SNUPN: variants seen among roughly 807,000 people sequenced by gnomAD.
SNUPN encodes snurportin-1.
Under a neutral mutation model 39.2 loss-of-function variants are expected in SNUPN, and 31 were observed. That is an observed-to-expected ratio of 0.79 (90% CI 0.59 to 1.07). The LOEUF is 1.07. Among genes scored for constraint, SNUPN ranks in the 50% least tolerant of loss-of-function variants. The pLI is 0.00. For synonymous variants in SNUPN, 132 were observed against 159.0 expected (o/e 0.83, Z 1.28); for missense variants, 382 against 434.2 (o/e 0.88, Z 1.07).
rs569811961 is a variant in SNUPN at position 75,610,051 on chromosome 15, G to A, written c.304-57C>T. On this transcript the variant is annotated intron_variant, in intron 3 of 8. Transcript: ENST00000308588. Reference sequence around the variant, plus strand: ...GCAGGGGTGTGCTACTCGAAAGTCTGCAATGACAAGGCATTAATATCCTGT... The same window carrying A: ...GCAGGGGTGTGCTACTCGAAAGTCTACAATGACAAGGCATTAATATCCTGT... 8 of 1,283,162 alleles carry A rather than the reference G, an allele frequency of 6.2e-6. No individual in the cohort carries two copies. The East Asian group carries it at 6.9e-5, about 11-fold the overall frequency. The allele number at this position is 1,283,162 out of a possible 1,614,324, so 79.5% of individuals were successfully genotyped here.
chr15:75,606,877 C>G (rs762679389), intron 6 of SNUPN, among the ~76,000 whole-genome samples: 5 of 152,108 alleles, frequency 3.3e-5, no homozygotes, highest in Admixed American at 3.3e-4. Flanking sequence ...ATCCCCACCC[C>G]CTTGCCCCAC....
At chr15:75,611,227 T>G (rs1892770458) in intron 3 of SNUPN, among the ~76,000 whole-genome samples, 1 of 151,700 alleles carries the variant, frequency 6.6e-6, no homozygotes, top group Non-Finnish European at 1.5e-5. Context: ...GAATCTTTCA[T>G]TTCTCCTTCC....
chr15:75,623,444 C>T (rs1246299361), intron 1 of SNUPN, among the ~76,000 whole-genome samples: 4 of 121,472 alleles, frequency 3.3e-5, no homozygotes, highest in East Asian at 2.1e-4. Flanking sequence ...CCACCACGCC[C>T]GGCCTTTTTT....
chr15:75,607,409 C>A, intron 5 of SNUPN, 96 bp from the exon 6 acceptor site: 1 of 780,586 alleles, frequency 1.3e-6, no homozygotes, highest in Non-Finnish European at 2.3e-6. Flanking sequence ...GGCTTGAGTC[C>A]AACAATCCTC....
chr15:75,614,345 A>G (rs1026538391), intron 3 of SNUPN, among the ~76,000 whole-genome samples: 2 of 152,168 alleles, frequency 1.3e-5, no homozygotes, highest in African/African-American at 2.4e-5. Flanking sequence ...GGCATTATTC[A>G]TAATAGCCAA....
In SNUPN at chr15:75,601,211, A is replaced by G; in HGVS notation, c.686T>C (p.Phe229Ser). 1 of 1,609,280 alleles carries G rather than the reference A, an allele frequency of 6.2e-7. No individual in the cohort carries two copies. The highest frequency in any genetic ancestry group is 1.1e-5 in the South Asian group (1 of 90,984). Residue 229 changes from phenylalanine (F) to serine (S), a missense_variant, in exon 8 of 9, where the codon TTT becomes TCT. Phe to Ser is a radical substitution (Grantham distance 155, BLOSUM62 -2). Coordinates refer to ENST00000308588, the MANE Select transcript of SNUPN (RefSeq NM_005701.4). ...GEKTKLNPFK[F>S]VGLKNFPCTP... is the part of the protein sequence containing the mutation. Reference sequence around the variant, plus strand: ...GCAAGGGAAGTTCTTTAGCCCCACAAATTTAAACTGAAATAGAAATTAGAA... The same window carrying G: ...GCAAGGGAAGTTCTTTAGCCCCACAGATTTAAACTGAAATAGAAATTAGAA...
intron 3 of SNUPN, 47 bp downstream of exon 3, chr15:75,617,361 T>C (rs748287643): frequency 1.9e-5 from 30 of 1,593,382 alleles, no homozygotes; most frequent in South Asian, 3.4e-5. Context: ...GACTGCATAG[T>C]AAAGGGAGTG....
intron 3 of SNUPN, among the ~76,000 whole-genome samples, chr15:75,611,764 A>G (rs1595985560): frequency 6.6e-6 from 1 of 151,752 alleles, no homozygotes. Flanking sequence ...TTGAGGCGGG[A>G]GAATCACTTG....
intron 3 of SNUPN, among the ~76,000 whole-genome samples, chr15:75,612,656 CTCTT>C (rs998565605): frequency 6.6e-6 from 1 of 151,996 alleles, no homozygotes; most frequent in Non-Finnish European, 1.5e-5. Context: ...TGCTTGGTAT[CTCTT>C]TCTGTTTGTC....
intron 2 of SNUPN, among the ~76,000 whole-genome samples, chr15:75,619,022 TAAAAAAAAAAAA>T (rs35749195): frequency 1.9e-4 from 14 of 74,380 alleles, no homozygotes; most frequent in Admixed American, 6.9e-4. Flanking sequence ...CTACTTGTGT[TAAAAAAAAAAAA>T]AAAAAAAAAA....
At position 75,617,495 on chromosome 15, in the gene SNUPN, C is replaced by A. The variant is rs140870030; in HGVS notation, c.216G>T (p.Gly72=). 6.2e-7 allele frequency: 1 copy of A among 1,614,174 alleles called. No homozygotes were observed. Among genetic ancestry groups the A allele is most frequent in the Non-Finnish European group, 8.5e-7 (1 of 1,180,026 alleles). The change falls in exon 3 of 9, where the codon GGG becomes GGT. Residue 72 remains glycine (G), a synonymous_variant. Transcript: ENST00000308588. ...ARRLAEDDWT[G]MESEEENKKD... ...TCTTATTTTCTTCCTCACTCTCCATCCCTGTCCAGTCATCTTCAGCCAGTC... is the reference window on the plus strand; with the variant it reads ...TCTTATTTTCTTCCTCACTCTCCATACCTGTCCAGTCATCTTCAGCCAGTC...
chr15:75,616,171 G>T (rs1051690933), intron 3 of SNUPN, among the ~76,000 whole-genome samples: 3 of 151,378 alleles, frequency 2.0e-5, no homozygotes, highest in Non-Finnish European at 4.4e-5. Flanking sequence ...TAGAGATGGG[G>T]TCTCTCCGGG....
At position 75,598,297 on chromosome 15, in the gene SNUPN, T is replaced by C. The variant is rs1401575239; in HGVS notation, c.*61A>G. 46 of 1,374,736 alleles carry C rather than the reference T, an allele frequency of 3.3e-5. No individual in the cohort carries two copies. The highest frequency in any genetic ancestry group is 4.5e-5 in the Non-Finnish European group (45 of 997,222). The allele number at this position is 1,374,736 out of a possible 1,614,324, so 85.2% of individuals were successfully genotyped here. A position where few individuals can be genotyped will look rare whatever the true frequency, so the allele number is the denominator to read the frequency against. On this transcript the variant is annotated 3_prime_UTR_variant, in exon 9 of 9. Transcript: ENST00000308588. Reference sequence around the variant, plus strand: ...AAGTCACCTGTTGTCACTGTCCTCCTCTCCAGGATTCCTTTTGGGGCCAGG... The same window carrying C: ...AAGTCACCTGTTGTCACTGTCCTCCCCTCCAGGATTCCTTTTGGGGCCAGG...
chr15:75,609,700 G>A (rs1295827192), intron 4 of SNUPN, 49 bp from the exon 5 acceptor site: 25 of 1,352,260 alleles, frequency 1.8e-5, no homozygotes, highest in East Asian at 4.6e-5. Flanking sequence ...AGGTCTCCTC[G>A]CCCTCTTGCC....
chr15:75,600,126 G>A (rs1185100493), intron 8 of SNUPN, among the ~76,000 whole-genome samples: 1 of 152,030 alleles, frequency 6.6e-6, no homozygotes, highest in Non-Finnish European at 1.5e-5. Flanking sequence ...GATTACAGGT[G>A]TGAGCCACTG....
At chr15:75,602,941 G>C (rs1397139163) in intron 7 of SNUPN, among the ~76,000 whole-genome samples, 2 of 152,086 alleles carry the variant, frequency 1.3e-5, no homozygotes, top group Non-Finnish European at 2.9e-5. Flanking sequence ...GTAGAGATGG[G>C]GTTTTGCCAT....
intron 3 of SNUPN, among the ~76,000 whole-genome samples, chr15:75,611,671 A>G (rs921222898): frequency 4.6e-5 from 7 of 151,868 alleles, no homozygotes; most frequent in Non-Finnish European, 1.0e-4. Context: ...CCTGGCCAAC[A>G]TGGTGACAAG....
chr15:75,609,096 A>G (rs1048862483), intron 5 of SNUPN, among the ~76,000 whole-genome samples: 1 of 146,338 alleles, frequency 6.8e-6, no homozygotes, highest in African/African-American at 2.5e-5. Context: ...GTGCCACTGC[A>G]CTCCAGCTTG....
Position 75,609,587 on chromosome 15 carries a change from C to T in SNUPN, c.473G>A (p.Gly158Glu), listed in dbSNP as rs1370946834. 1 of 1,614,100 alleles carries T rather than the reference C, an allele frequency of 6.2e-7. No individual in the cohort carries two copies. The highest frequency in any genetic ancestry group is 8.5e-7 in the Non-Finnish European group (1 of 1,179,960). The stretch of plus-strand genomic sequence containing the variant: ...TGCTGTTGAGTTTCGCCTGTTGCCT[C>T]CTGGCAGAAGTGAAGAAAACCTGTT... ...CVNRFSSLLP[G>E]GNRRNSTAKD... The change falls in exon 5 of 9, where the codon GGA becomes GAA. Residue 158 changes from glycine to glutamate, a missense_variant. By Grantham distance (98) the Gly-to-Glu change is moderately conservative. Transcript: ENST00000308588.
Sources: gnomAD v4.1 joint callset for allele counts (sites outside exome capture counted in the v4.1 genomes callset) on GRCh38, gnomAD v4.1.1 for gene constraint, MANE v1.5 for transcripts, NCBI Gene and HGNC (gene_info 2026-07-23, HGNC 2026-07-21) for gene names.